Variants in SGCZ observed in about 807,000 individuals in gnomAD.
The protein encoded by SGCZ is zeta-sarcoglycan.
SGCZ carries 40 observed loss-of-function variants against 41.3 expected under a neutral mutation model. The ratio of observed to expected loss-of-function variants is 0.97; its 90% CI spans 0.75 to 1.26. The LOEUF (loss-of-function observed/expected upper bound fraction) is 1.26, where lower values mean the gene tolerates loss of function less well. Ranked by LOEUF, SGCZ falls within the 50% of genes most tolerant of loss-of-function variation. The pLI, the probability that SGCZ is intolerant of heterozygous loss-of-function variation, is 0.00. For synonymous variants in SGCZ, 206 were observed against 137.5 expected, an observed-to-expected ratio of 1.50 and a Z score of -3.49; for missense variants, 552 against 369.8, an observed-to-expected ratio of 1.49 and a Z score of -4.04.
intron 1 of SGCZ, among the ~76,000 whole-genome samples, chr8:15,069,798 C>T (rs1484029186): frequency 2.0e-5 from 3 of 152,186 alleles, no homozygotes; most frequent in African/African-American, 7.2e-5. Context: ...CAATACATTA[C>T]TTAAAAATGC....
chr8:14,976,357 A>G (rs965770610), intron 1 of SGCZ, among the ~76,000 whole-genome samples: 3 of 152,138 alleles, frequency 2.0e-5, no homozygotes, highest in Non-Finnish European at 4.4e-5. Context: ...GTTCAGGGCC[A>G]TATGTGTGAC....
rs1475408567 is a variant in SGCZ, at chr8:14,846,692, C to G, written c.40-291766G>C. On this transcript the variant is annotated intron_variant, in intron 1 of 7. Transcript: ENST00000382080. ...TCAACAAATGAATTTGTAGCTAAAA[C>G]CCTTTAAATCCAAAAAAAAAAAAAA... Among the ~76,000 whole-genome samples the G allele has an allele frequency of 3.4e-4, 34 of 99,278 alleles. 1 individual carries two copies. The highest frequency in any genetic ancestry group is 4.5e-4 in the Non-Finnish European group (24 of 53,708). The allele number at this position is 99,278 out of a possible 152,430, so 65.1% of individuals were successfully genotyped here.
At chr8:14,578,240 G>C (rs1423438017) in intron 1 of SGCZ, among the ~76,000 whole-genome samples, 1 of 152,210 alleles carries the variant, frequency 6.6e-6, no homozygotes, top group South Asian at 2.1e-4. Flanking sequence ...TCAACCAGGT[G>C]TGACATTTCA....
At chr8:14,141,255 G>C (rs1803361067) in intron 5 of SGCZ, among the ~76,000 whole-genome samples, 1 of 152,162 alleles carries the variant, frequency 6.6e-6, no homozygotes, top group Non-Finnish European at 1.5e-5. Flanking sequence ...ACACAGGCAT[G>C]GGCAAGAACT....
chr8:15,098,370 A>C (rs1380030867), intron 1 of SGCZ, among the ~76,000 whole-genome samples: 3 of 152,158 alleles, frequency 2.0e-5, no homozygotes, highest in African/African-American at 7.2e-5. Flanking sequence ...CACAGAACTA[A>C]AAGAAAATCA....
chr8:14,608,491 G>C (rs940274634), intron 1 of SGCZ, among the ~76,000 whole-genome samples: 1 of 151,946 alleles, frequency 6.6e-6, no homozygotes, highest in Non-Finnish European at 1.5e-5. Flanking sequence ...GAGAGTGAGA[G>C]AGAGAGGAGG....
intron 4 of SGCZ, among the ~76,000 whole-genome samples, chr8:14,190,224 G>A (rs1388949469): frequency 6.6e-6 from 1 of 151,790 alleles, no homozygotes; most frequent in Non-Finnish European, 1.5e-5. Context: ...GTGTTAGCCA[G>A]GATGGTCTCG....
At chr8:14,757,413 G>A (rs1435691505) in intron 1 of SGCZ, among the ~76,000 whole-genome samples, 1 of 152,182 alleles carries the variant, frequency 6.6e-6, no homozygotes, top group Non-Finnish European at 1.5e-5. Context: ...CAGGTACTGT[G>A]TGGGCTGCCC....
chr8:15,017,649 G>T (rs1361167115), intron 1 of SGCZ, among the ~76,000 whole-genome samples: 1 of 151,938 alleles, frequency 6.6e-6, no homozygotes, highest in Non-Finnish European at 1.5e-5. Context: ...GGGACCACAG[G>T]CTCACATCAT....
At chr8:14,178,169 G>C (rs906991619) in intron 4 of SGCZ, among the ~76,000 whole-genome samples, 4 of 151,394 alleles carry the variant, frequency 2.6e-5, no homozygotes, top group Admixed American at 1.3e-4. Flanking sequence ...GGCCAGGCTG[G>C]TCTCGAACTC....
intron 1 of SGCZ, among the ~76,000 whole-genome samples, chr8:15,172,184 CGG>C (rs1428523210): frequency 4.4e-5 from 1 of 22,650 alleles, no homozygotes; most frequent in Non-Finnish European, 8.9e-5. Context: ...TTTTTTGAGA[CGG>C]AGTTTCGCTC....
chr8:14,983,116 C>G (rs1382127921), intron 1 of SGCZ, among the ~76,000 whole-genome samples: 1 of 151,990 alleles, frequency 6.6e-6, no homozygotes, highest in Non-Finnish European at 1.5e-5. Context: ...ATTTTGAGAA[C>G]ATTGTAAGTA....
chr8:15,204,118 G>C (rs916526070), intron 1 of SGCZ, among the ~76,000 whole-genome samples: 3 of 152,132 alleles, frequency 2.0e-5, no homozygotes, highest in Non-Finnish European at 4.4e-5. Context: ...CAGCACTTCT[G>C]TTACACATCT....
intron 2 of SGCZ, among the ~76,000 whole-genome samples, chr8:14,398,077 C>A (rs1287368412): frequency 6.6e-6 from 1 of 152,014 alleles, no homozygotes. Context: ...ACTCAAGGGA[C>A]CCTTTTTGTG....
At chr8:14,415,163 T>C (rs1449035623) in intron 2 of SGCZ, among the ~76,000 whole-genome samples, 1 of 151,898 alleles carries the variant, frequency 6.6e-6, no homozygotes, top group African/African-American at 2.4e-5. Flanking sequence ...TCCTTTGATA[T>C]TAATGAAAAA....
intron 1 of SGCZ, among the ~76,000 whole-genome samples, chr8:15,154,950 A>G (rs2117026257): frequency 6.6e-6 from 1 of 152,274 alleles, no homozygotes; most frequent in African/African-American, 2.4e-5. Flanking sequence ...ATATTGTATA[A>G]TTTCAAATAG....
At chr8:15,191,603 A>C (rs1376855911) in intron 1 of SGCZ, among the ~76,000 whole-genome samples, 1 of 152,104 alleles carries the variant, frequency 6.6e-6, no homozygotes, top group Non-Finnish European at 1.5e-5. Flanking sequence ...AGTCATCATT[A>C]TATGAAAGTA....
At chr8:14,146,525 A>C (rs1182755361) in intron 5 of SGCZ, among the ~76,000 whole-genome samples, 1 of 152,198 alleles carries the variant, frequency 6.6e-6, no homozygotes, top group Non-Finnish European at 1.5e-5. Flanking sequence ...CATAGTAAGT[A>C]AACAGAAAAA....
chr8:14,216,171 C>T (rs190271119), intron 4 of SGCZ, among the ~76,000 whole-genome samples: 139 of 152,344 alleles, frequency 9.1e-4, no homozygotes, highest in Non-Finnish European at 1.7e-3. Context: ...AGTAAACTAA[C>T]TTATCTAGAT....
Sources: allele counts gnomAD v4.1 joint callset (sites outside exome capture counted in the v4.1 genomes callset), GRCh38; gene constraint gnomAD v4.1.1; transcripts MANE v1.5; gene names NCBI Gene and HGNC (gene_info 2026-07-23, HGNC 2026-07-21).